Variants in GPM6A observed in about 807,000 individuals in gnomAD.
GPM6A encodes neuronal membrane glycoprotein M6-a.
A neutral mutation model predicts 32.1 loss-of-function variants in GPM6A; 7 were observed. That is an observed-to-expected ratio of 0.22 (90% CI 0.12 to 0.41). GPM6A has a LOEUF of 0.41. Ranked by LOEUF, GPM6A falls within the 10% of genes least tolerant of loss-of-function variation. The pLI, the probability that GPM6A is intolerant of heterozygous loss-of-function variation, is 1.00. For synonymous variants in GPM6A, 130 were observed against 123.4 expected (o/e 1.05, Z -0.35); for missense variants, 235 against 347.2 (o/e 0.68, Z 2.57).
At chr4:175,926,297 G>T (rs969882999) in intron 1 of GPM6A, among the ~76,000 whole-genome samples, 2 of 152,168 alleles carry the variant, frequency 1.3e-5, no homozygotes, top group Admixed American at 1.3e-4. Flanking sequence ...ACAGTTTGGG[G>T]TCAATTGCAA....
intron 1 of GPM6A, among the ~76,000 whole-genome samples, chr4:175,712,625 G>C (rs984077664): frequency 6.6e-6 from 1 of 152,162 alleles, no homozygotes; most frequent in African/African-American, 2.4e-5. Flanking sequence ...CTAACACTGA[G>C]GGAAACATGT....
chr4:175,677,583 C>T (rs1363241769), intron 2 of GPM6A, among the ~76,000 whole-genome samples: 1 of 152,050 alleles, frequency 6.6e-6, no homozygotes, highest in Non-Finnish European at 1.5e-5. Context: ...AAAGTGCTTT[C>T]AATAATTTTC....
At chr4:175,905,458 C>T (rs577464618) in intron 1 of GPM6A, among the ~76,000 whole-genome samples, 1 of 152,062 alleles carries the variant, frequency 6.6e-6, no homozygotes, top group East Asian at 1.9e-4. Context: ...TCTTCTTCTT[C>T]CACTGTGGCC....
chr4:175,995,646 T>C (rs931610427), intron 1 of GPM6A, among the ~76,000 whole-genome samples: 11 of 152,132 alleles, frequency 7.2e-5, no homozygotes, highest in African/African-American at 2.4e-4. Flanking sequence ...ATCTGAGTCT[T>C]GGGAGTTGGG....
intron 2 of GPM6A, among the ~76,000 whole-genome samples, chr4:175,696,916 A>T (rs1744612748): frequency 6.6e-6 from 1 of 152,156 alleles, no homozygotes; most frequent in African/African-American, 2.4e-5. Context: ...AACAAAATCT[A>T]TATATCTATT....
chr4:175,827,876 A>G (rs1447512294), intron 1 of GPM6A, among the ~76,000 whole-genome samples: 1 of 152,208 alleles, frequency 6.6e-6, no homozygotes, highest in Non-Finnish European at 1.5e-5. Context: ...AGTAAACATT[A>G]GTCTGCTTCT....
chr4:175,753,766 C>A (rs1341928718), intron 1 of GPM6A, among the ~76,000 whole-genome samples: 1 of 152,054 alleles, frequency 6.6e-6, no homozygotes, highest in East Asian at 1.9e-4. Context: ...TTCTAGAAAT[C>A]CTATTTCCAT....
intron 1 of GPM6A, among the ~76,000 whole-genome samples, chr4:175,908,184 G>A (rs2111502502): frequency 6.6e-6 from 1 of 152,256 alleles, no homozygotes; most frequent in African/African-American, 2.4e-5. Context: ...CATTTGTCTA[G>A]TGATAATTTT....
At chr4:175,670,310 T>C (rs1030314139) in intron 3 of GPM6A, among the ~76,000 whole-genome samples, 4 of 152,138 alleles carry the variant, frequency 2.6e-5, no homozygotes, top group Non-Finnish European at 4.4e-5. Flanking sequence ...AATTCTGAGA[T>C]CCATAATGAT....
intron 2 of GPM6A, among the ~76,000 whole-genome samples, chr4:175,692,607 A>G (rs997400109): frequency 1.3e-5 from 2 of 151,908 alleles, no homozygotes; most frequent in Non-Finnish European, 2.9e-5. Context: ...AGCTGCAAAT[A>G]TTTTTCTCAG....
rs66569311 is a variant in GPM6A at position 175,820,500 on chromosome 4, C to CTTTTT, written c.-22-8256_-22-8252dup. Among the ~76,000 whole-genome samples the CTTTTT allele has an allele frequency of 2.1e-3, 238 of 112,040 alleles. 2 individuals are homozygous for CTTTTT. The highest frequency in any genetic ancestry group is 2.7e-3 in the Non-Finnish European group (156 of 58,832). 73.5% of individuals were successfully genotyped at this position (112,040 alleles called of 152,430 possible). On this transcript the variant is annotated intron_variant, in intron 1 of 7. Transcript: ENST00000280187. ...GTAGGTTTTCTTTTTTCTTTTCTTT[C>CTTTTT]TTTTTTTTTTTTTTTTTTGAGATGG...
chr4:175,826,686 A>C (rs954614979), intron 1 of GPM6A, among the ~76,000 whole-genome samples: 60 of 152,296 alleles, frequency 3.9e-4, no homozygotes, highest in African/African-American at 1.4e-3. Flanking sequence ...TTTGTAAGTC[A>C]ACAAAAACAA....
chr4:175,741,070 A>G (rs1731869175), intron 1 of GPM6A, among the ~76,000 whole-genome samples: 1 of 152,072 alleles, frequency 6.6e-6, no homozygotes, highest in South Asian at 2.1e-4. Flanking sequence ...CCTAAGAATC[A>G]GAACTGTCTA....
At chr4:175,899,107 C>A (rs1362619316) in intron 1 of GPM6A, among the ~76,000 whole-genome samples, 1 of 152,092 alleles carries the variant, frequency 6.6e-6, no homozygotes. Flanking sequence ...TCTTCCACAC[C>A]CACAGACGAA....
chr4:176,002,323 C>T, exon 1 of GPM6A: 1 of 1,592,948 alleles, frequency 6.3e-7, no homozygotes, highest in Non-Finnish European at 8.5e-7. Context: ...GGCCCGAGGT[C>T]CTGCTTCTCT....
intron 1 of GPM6A, among the ~76,000 whole-genome samples, chr4:175,706,216 AAGAAAT>A (rs1236984941): frequency 6.6e-6 from 1 of 152,194 alleles, no homozygotes; most frequent in Non-Finnish European, 1.5e-5. Context: ...AAGAAAATAG[AAGAAAT>A]AGAAAAAGAA....
At chr4:175,943,322 GCAAAGAGA>G (rs1271130956) in intron 1 of GPM6A, among the ~76,000 whole-genome samples, 16 of 152,142 alleles carry the variant, frequency 1.1e-4, no homozygotes, top group Non-Finnish European at 2.4e-4. Context: ...CATGTCATCT[GCAAAGAGA>G]CAATTTGACT....
intron 1 of GPM6A, among the ~76,000 whole-genome samples, chr4:175,954,636 T>G (rs1287348477): frequency 6.6e-6 from 1 of 152,194 alleles, no homozygotes; most frequent in Non-Finnish European, 1.5e-5. Flanking sequence ...TTAGACCATC[T>G]CTGGAGAGAC....
intron 2 of GPM6A, among the ~76,000 whole-genome samples, chr4:175,687,978 A>G (rs1744083481): frequency 6.6e-6 from 1 of 152,146 alleles, no homozygotes; most frequent in African/African-American, 2.4e-5. Context: ...GCCAATTGTA[A>G]GTCTTCTTTG....
Sources: allele counts gnomAD v4.1 joint callset (sites outside exome capture counted in the v4.1 genomes callset), GRCh38; gene constraint gnomAD v4.1.1; transcripts MANE v1.5; gene names NCBI Gene and HGNC (gene_info 2026-07-23, HGNC 2026-07-21).